The following PDGFRB variants were observed in gnomAD, a reference collection of about 807,000 sequenced individuals.
The protein encoded by PDGFRB is platelet derived growth factor receptor beta.
A neutral mutation model predicts 120.2 loss-of-function variants in PDGFRB; 42 were observed. That is an observed-to-expected ratio of 0.35 (90% CI 0.27 to 0.45). The LOEUF (loss-of-function observed/expected upper bound fraction) is 0.45. PDGFRB is among the 20% of genes least tolerant of loss of function. The probability of loss-of-function intolerance (pLI) is 1.00; values close to 1 mark genes in which losing one functional copy is unlikely to be tolerated. For synonymous variants in PDGFRB, 586 were observed against 606.8 expected (o/e 0.97, Z 0.50); for missense variants, 1,149 against 1,476.3 (o/e 0.78, Z 3.63).
intron 10 of PDGFRB, among the ~76,000 whole-genome samples, chr5:150,127,850 A>AAC (rs1288294549): frequency 4.0e-5 from 6 of 150,290 alleles, no homozygotes; most frequent in African/African-American, 1.5e-4. Context: ...AAAAAAAAAA[A>AAC]AAAAAAAAAC....
intron 4 of PDGFRB, 119 bp downstream of exon 4, chr5:150,134,631 G>C: frequency 1.1e-6 from 1 of 909,224 alleles, no homozygotes; most frequent in Non-Finnish European, 1.7e-6. Flanking sequence ...TTCCTTCGAA[G>C]GCTGTGGTGA....
rs1760580023 is a variant in PDGFRB at position 150,134,948 on chromosome 5, T to C, written c.433A>G (p.Ile145Val). ...TCTGTTACTCGGCATGGAATGGTGA[T>C]CTCAGTTATTTCCGTGAGAAAGATG... is the stretch of plus-strand genomic sequence containing the variant. ...LFIFLTEITEITIPCRVTDPQ... is the reference protein window; with the variant it reads ...LFIFLTEITEVTIPCRVTDPQ... The change falls in exon 4 of 23, where the codon ATC (isoleucine) becomes GTC (valine). Residue 145 changes from isoleucine to valine, a missense_variant. By Grantham distance (29) the Ile-to-Val change is conservative. Coordinates refer to ENST00000261799, the MANE Select transcript of PDGFRB (RefSeq NM_002609.4). The C allele has an allele frequency of 4.3e-6, 7 of 1,613,812 alleles. No individual in the cohort carries two copies. Among genetic ancestry groups the C allele is most frequent in the Non-Finnish European group, 5.1e-6 (6 of 1,179,800 alleles).
chr5:150,119,038 C>T (rs1760051448), intron 20 of PDGFRB, among the ~76,000 whole-genome samples, 186 bp from the exon 21 acceptor site: 1 of 152,208 alleles, frequency 6.6e-6, no homozygotes, highest in Admixed American at 6.5e-5. Context: ...CCTCGCAGAG[C>T]CCCCATTCCA....
intron 1 of PDGFRB, among the ~76,000 whole-genome samples, chr5:150,154,860 G>A (rs961607150): frequency 1.3e-5 from 2 of 152,212 alleles, no homozygotes; most frequent in Admixed American, 6.5e-5. Flanking sequence ...TTTTCTAGCT[G>A]CTGGGGGTTT....
intron 2 of PDGFRB, 96 bp downstream of exon 2, chr5:150,136,912 C>T: frequency 1.1e-6 from 1 of 931,474 alleles, no homozygotes; most frequent in Non-Finnish European, 1.7e-6. Context: ...GTGCCTGGTG[C>T]TTCACGCCCT....
intron 10 of PDGFRB, among the ~76,000 whole-genome samples, chr5:150,128,734 T>C (rs1416071569): frequency 6.6e-6 from 1 of 152,210 alleles, no homozygotes; most frequent in Non-Finnish European, 1.5e-5. Flanking sequence ...CTGAATCCCA[T>C]AGCTGGGCAT....
rs758890727 is a variant in PDGFRB at position 150,121,889 on chromosome 5, C to A, written c.2335G>T (p.Val779Phe). The change falls in exon 16 of 23, where the codon GTT (valine) becomes TTT (phenylalanine). Residue 779 changes from valine (V) to phenylalanine (F), a missense_variant. Coordinates refer to ENST00000261799, the MANE Select transcript of PDGFRB (RefSeq NM_002609.4). The surrounding 1 kb of genome is among the most constrained non-coding windows in gnomAD (Gnocchi z 4.1). Reference sequence around the variant, plus strand: ...CACTATGTCCACCCACCAGAGGGAACGTAGTTATCGTAAGGGGCCATGTAG... The same window carrying A: ...CACTATGTCCACCCACCAGAGGGAAAGTAGTTATCGTAAGGGGCCATGTAG... ...SNYMAPYDNYVPSAPERTCRA... is the reference protein window; with the variant it reads ...SNYMAPYDNYFPSAPERTCRA... The A allele has an allele frequency of 1.2e-6, 2 of 1,612,336 alleles. No homozygotes were observed. The highest frequency in any genetic ancestry group is 1.7e-5 in the Admixed American group (1 of 60,022).
intron 2 of PDGFRB, among the ~76,000 whole-genome samples, chr5:150,136,210 C>G (rs1760626968): frequency 6.6e-6 from 1 of 152,220 alleles, no homozygotes; most frequent in African/African-American, 2.4e-5. Flanking sequence ...CATTGCTTCC[C>G]AGGTCACTTT....
chr5:150,128,154 A>G (rs959416805), intron 10 of PDGFRB, among the ~76,000 whole-genome samples: 28 of 152,296 alleles, frequency 1.8e-4, no homozygotes, highest in Admixed American at 5.9e-4. Context: ...TCTTGCAGCC[A>G]TCCTAGGCCC....
intron 1 of PDGFRB, among the ~76,000 whole-genome samples, chr5:150,137,754 C>A (rs984443963): frequency 6.6e-6 from 1 of 152,190 alleles, no homozygotes; most frequent in African/African-American, 2.4e-5. Flanking sequence ...CAGGCTCCCC[C>A]CACCCCCACC....
At position 150,115,877 on chromosome 5, in the gene PDGFRB, T is replaced by C; in HGVS notation, c.3207A>G (p.Glu1069=). ...GCTCAAGCTGGGGCTCTGGCTCTGGTTCGTCCTGGGGCTCCAGGGGGCTGT... is the reference window on the plus strand; with the variant it reads ...GCTCAAGCTGGGGCTCTGGCTCTGGCTCGTCCTGGGGCTCCAGGGGGCTGT... ...SCDSPLEPQD[E]PEPEPQLELQ... Residue 1069 remains glutamate (E), a synonymous_variant, in exon 23 of 23, where the codon GAA becomes GAG. Coordinates refer to ENST00000261799, the MANE Select transcript of PDGFRB (RefSeq NM_002609.4). 1 of 1,611,050 alleles carries C rather than the reference T, an allele frequency of 6.2e-7. No homozygotes were observed. The highest frequency in any genetic ancestry group is 8.5e-7 in the Non-Finnish European group (1 of 1,178,478).
At chr5:150,154,456 G>T (rs73796332) in intron 1 of PDGFRB, among the ~76,000 whole-genome samples, 365 of 152,290 alleles carry the variant, frequency 2.4e-3, no homozygotes, top group African/African-American at 8.6e-3. Flanking sequence ...CACTGCCTCT[G>T]GGGTTGCTGG....
In PDGFRB at chr5:150,137,704, G is replaced by A. The variant is rs569523131; in HGVS notation, c.-6-651C>T. Reference sequence around the variant, plus strand: ...GGCTGGGCCCAGGAGAGGTCCCATCGAGCAGCCAGGCCTCACAGGTCCTTG... The same window carrying A: ...GGCTGGGCCCAGGAGAGGTCCCATCAAGCAGCCAGGCCTCACAGGTCCTTG... On this transcript the variant is annotated intron_variant, in intron 1 of 22. Transcript: ENST00000261799. 2.0e-5 allele frequency among the ~76,000 whole-genome samples: 3 copies of A among 152,266 alleles called. No individual in the cohort carries two copies. In the East Asian group the frequency reaches 5.8e-4, roughly 29 times the overall value.
Position 150,124,330 on chromosome 5 carries a change from AG to A in PDGFRB, c.1942del (p.Met649CysfsTer4), listed in dbSNP as rs1238638720. 9 of 1,613,990 alleles carry A rather than the reference AG, an allele frequency of 5.6e-6. No individual in the cohort carries two copies. The highest frequency in any genetic ancestry group is 8.5e-7 in the Non-Finnish European group (1 of 1,179,966). ...STARSSEKQA[L>X]MSELKIMSHL... ...ACTCATGATCTTCAGCTCCGACATA[AG>A]GGCTTGCTTCTCACTGCTGCGGGCT... is the stretch of plus-strand genomic sequence containing the variant. On this transcript the variant is annotated frameshift_variant, in exon 14 of 23. Coordinates refer to ENST00000261799, the MANE Select transcript of PDGFRB (RefSeq NM_002609.4). LOFTEE classifies it high-confidence loss of function.
rs1244128395 is a variant in PDGFRB, at chr5:150,135,728, C to T, written c.191G>A (p.Arg64Gln). Residue 64 changes from arginine (R) to glutamine (Q), a missense_variant, in exon 3 of 23, where the codon CGG (arginine) becomes CAG (glutamine). By Grantham distance (43) the Arg-to-Gln change is conservative. Transcript: ENST00000261799. Reference protein sequence around the residue: ...CSGSAPVVWERMSQEPPQEMA... With the variant: ...CSGSAPVVWEQMSQEPPQEMA... ...TTCCTGTGGGGGCTCCTGGGACATC[C>T]GTTCCCACACCACCGGAGCTGAACC... 9.9e-6 allele frequency: 16 copies of T among 1,614,010 alleles called. No individual in the cohort carries two copies. The highest frequency in any genetic ancestry group is 3.3e-5 in the South Asian group (3 of 91,076).
chr5:150,129,739 C>T lies in PDGFRB; in HGVS notation c.1579+18G>A, dbSNP rs750483940. 4 of 1,600,888 alleles carry T rather than the reference C, an allele frequency of 2.5e-6. No homozygotes were observed. The highest frequency in any genetic ancestry group is 2.2e-5 in the South Asian group (2 of 90,744). On this transcript the variant is annotated intron_variant, in intron 10 of 22. Transcript: ENST00000261799. ...TAGGGATTGGGATCGTCAGGGGCCA[C>T]TGAGGCTGGGGACTCACAGTGTGGC...
chr5:150,117,526 CAG>C, intron 22 of PDGFRB, 90 bp downstream of exon 22: 1 of 635,342 alleles, frequency 1.6e-6, no homozygotes, highest in Non-Finnish European at 2.7e-6. Flanking sequence ...GCAAACCTGG[CAG>C]CGCGCGCGCG....
chr5:150,142,495 G>C (rs1760811093), intron 1 of PDGFRB, among the ~76,000 whole-genome samples: 3 of 152,176 alleles, frequency 2.0e-5, no homozygotes, highest in Admixed American at 6.5e-5. Context: ...CCAGTCTCCT[G>C]ACCCAGTCCA....
At chr5:150,130,844 G>A (rs1412803137) in intron 8 of PDGFRB, among the ~76,000 whole-genome samples, 182 bp from the exon 9 acceptor site, 1 of 152,080 alleles carries the variant, frequency 6.6e-6, no homozygotes, top group Admixed American at 6.5e-5. Context: ...TACTTCAAAG[G>A]GAACGCCTCA....
Sources: gnomAD v4.1 joint callset for allele counts (sites outside exome capture counted in the v4.1 genomes callset) on GRCh38, gnomAD v4.1.1 for gene constraint, Gnocchi (gnomAD v3.1) non-coding constraint, MANE v1.5 for transcripts, NCBI Gene and HGNC (gene_info 2026-07-23, HGNC 2026-07-21) for gene names.